Variants in ADGRB3 observed in about 807,000 individuals in gnomAD.
The protein encoded by ADGRB3 is brain-specific angiogenesis inhibitor 3.
In ADGRB3, 37 loss-of-function variants were observed where a neutral mutation model predicts 193.4. That is an observed-to-expected ratio of 0.19 (90% CI 0.15 to 0.25). ADGRB3 has a LOEUF of 0.25. ADGRB3 is among the 10% of genes least tolerant of loss of function. ADGRB3 has a pLI of 1.00. For missense variants in ADGRB3, 1,637 were observed against 1,852.9 expected (o/e 0.88, Z 2.14); for synonymous variants, 690 against 644.2 (o/e 1.07, Z -1.08).
At chr6:69,020,691 T>C (rs1770237629) in intron 13 of ADGRB3, among the ~76,000 whole-genome samples, 1 of 152,010 alleles carries the variant, frequency 6.6e-6, no homozygotes, top group Non-Finnish European at 1.5e-5. Context: ...AAAAGTTATG[T>C]TCTGTGAGTA....
At chr6:69,333,067 T>A (rs1768761678) in intron 24 of ADGRB3, 59 bp downstream of exon 24, 1 of 1,552,554 alleles carries the variant, frequency 6.4e-7, no homozygotes, top group African/African-American at 1.4e-5. Flanking sequence ...TACTCCAATT[T>A]CAGACCATCA....
intron 3 of ADGRB3, among the ~76,000 whole-genome samples, chr6:68,759,389 A>AAGAAC (rs1766352819): frequency 6.6e-6 from 1 of 152,112 alleles, no homozygotes; most frequent in Admixed American, 6.6e-5. Context: ...TCTTTTAAAT[A>AAGAAC]TTTTATTCAG....
At chr6:69,128,037 T>C (rs1773905262) in intron 17 of ADGRB3, among the ~76,000 whole-genome samples, 2 of 152,270 alleles carry the variant, frequency 1.3e-5, no homozygotes, top group South Asian at 4.1e-4. Context: ...CAGTATGATA[T>C]GTTCACATAT....
chr6:69,298,332 A>G (rs942451322), intron 20 of ADGRB3, among the ~76,000 whole-genome samples: 1 of 151,900 alleles, frequency 6.6e-6, no homozygotes, highest in Admixed American at 6.6e-5. Context: ...TATCTTCTTT[A>G]TTCTTTTTTT....
At chr6:68,643,924 T>G (rs1202539275) in intron 3 of ADGRB3, among the ~76,000 whole-genome samples, 1 of 147,608 alleles carries the variant, frequency 6.8e-6, no homozygotes, top group African/African-American at 2.5e-5. Flanking sequence ...AGAGCAAGAC[T>G]CTATCAGAAA....
At chr6:68,901,860 A>G (rs888430948) in intron 3 of ADGRB3, among the ~76,000 whole-genome samples, 2 of 152,212 alleles carry the variant, frequency 1.3e-5, no homozygotes, top group African/African-American at 2.4e-5. Flanking sequence ...GTAGCATGAT[A>G]TAGTTAAGAT....
At chr6:68,987,717 G>A (rs932453576) in intron 10 of ADGRB3, among the ~76,000 whole-genome samples, 2 of 152,060 alleles carry the variant, frequency 1.3e-5, no homozygotes, top group South Asian at 4.1e-4. Flanking sequence ...ACCTTACTAA[G>A]TCTCCACTCC....
intron 15 of ADGRB3, among the ~76,000 whole-genome samples, chr6:69,054,427 A>C (rs1237779217): frequency 6.6e-6 from 1 of 152,170 alleles, no homozygotes; most frequent in Non-Finnish European, 1.5e-5. Flanking sequence ...GAAAGCAATC[A>C]ACCTGAAGCA....
At chr6:69,285,786 C>A (rs73471308) in intron 20 of ADGRB3, among the ~76,000 whole-genome samples, 5,886 of 152,056 alleles carry the variant, frequency 0.039, 362 homozygotes, top group African/African-American at 0.13. Context: ...CTACTCTGTA[C>A]CCCTGTCCAG....
intron 3 of ADGRB3, among the ~76,000 whole-genome samples, chr6:68,926,116 G>A (rs968840528): frequency 6.6e-6 from 1 of 152,032 alleles, no homozygotes; most frequent in African/African-American, 2.4e-5. Flanking sequence ...TCGACATCTA[G>A]AAACTTGCAC....
intron 17 of ADGRB3, among the ~76,000 whole-genome samples, chr6:69,108,411 A>G (rs1773276152): frequency 6.7e-6 from 1 of 150,178 alleles, no homozygotes; most frequent in African/African-American, 2.4e-5. Flanking sequence ...TCCAAATCTC[A>G]TCTCTGAAAT....
chr6:68,805,042 C>T (rs544184945), intron 3 of ADGRB3, among the ~76,000 whole-genome samples: 1 of 152,178 alleles, frequency 6.6e-6, no homozygotes, highest in African/African-American at 2.4e-5. Context: ...ATCCTCCCAC[C>T]TCAGCCTCCG....
At chr6:69,371,926 A>G (rs1043453961) in intron 29 of ADGRB3, among the ~76,000 whole-genome samples, 5 of 152,244 alleles carry the variant, frequency 3.3e-5, no homozygotes, top group South Asian at 2.1e-4. Context: ...CTTATGAAGA[A>G]CTTTGGGACT....
At chr6:68,772,873 ACAAACAAACAAAAAAAAAAAAATATATAT>A (rs1191395325) in intron 3 of ADGRB3, among the ~76,000 whole-genome samples, 14 of 25,090 alleles carry the variant, frequency 5.6e-4, no homozygotes, top group African/African-American at 2.0e-3. Flanking sequence ...AAACAAACAA[ACAAACAAACAAAAAAAAAAAAATATATAT>A]ATATATATAT....
intron 26 of ADGRB3, among the ~76,000 whole-genome samples, chr6:69,344,554 T>C (rs1769044826): frequency 6.6e-6 from 1 of 152,130 alleles, no homozygotes; most frequent in South Asian, 2.1e-4. Context: ...TAAATCATTA[T>C]AAAAATGAAG....
chr6:69,314,766 C>T (rs1768276651), intron 20 of ADGRB3, among the ~76,000 whole-genome samples: 1 of 151,486 alleles, frequency 6.6e-6, no homozygotes, highest in African/African-American at 2.4e-5. Context: ...CATGTCATAG[C>T]AGCTGTGGAA....
At chr6:69,217,484 G>A (rs1653205556) in intron 17 of ADGRB3, among the ~76,000 whole-genome samples, 1 of 152,172 alleles carries the variant, frequency 6.6e-6, no homozygotes, top group South Asian at 2.1e-4. Context: ...ATTTCTGAGT[G>A]TTGCAGTCAT....
intron 3 of ADGRB3, among the ~76,000 whole-genome samples, chr6:68,678,102 C>T (rs192799447): frequency 1.0e-3 from 155 of 152,192 alleles, no homozygotes; most frequent in Non-Finnish European, 1.8e-3. Context: ...TGATCTTGGT[C>T]TTTATTTTCT....
intron 17 of ADGRB3, among the ~76,000 whole-genome samples, chr6:69,229,463 C>T (rs1766088169): frequency 6.6e-6 from 1 of 152,076 alleles, no homozygotes; most frequent in Non-Finnish European, 1.5e-5. Flanking sequence ...AATGCTGCTA[C>T]AGCTATTTTG....
Sources: gnomAD v4.1 joint callset for allele counts (sites outside exome capture counted in the v4.1 genomes callset) on GRCh38, gnomAD v4.1.1 for gene constraint, MANE v1.5 for transcripts, NCBI Gene and HGNC (gene_info 2026-07-23, HGNC 2026-07-21) for gene names.